ULK1: variants seen among roughly 807,000 people sequenced by gnomAD.
ULK1 encodes the protein serine/threonine-protein kinase ULK1.
Under a neutral mutation model 117.5 loss-of-function variants are expected in ULK1, and 48 were observed. That is an observed-to-expected ratio of 0.41 (90% CI 0.32 to 0.52). ULK1 has a LOEUF of 0.52. Ranked by LOEUF, ULK1 falls within the 20% of genes least tolerant of loss-of-function variation. ULK1 has a pLI of 0.29. For synonymous variants in ULK1, 790 were observed against 637.8 expected, an observed-to-expected ratio of 1.24 and a Z score of -3.60; for missense variants, 1,387 against 1,473.4, an observed-to-expected ratio of 0.94 and a Z score of 0.96.
At position 131,902,134 on chromosome 12, in the gene ULK1, G is replaced by A. The variant is rs1159856481; in HGVS notation, c.247-4758G>A. ...CTGCAGGTGGTTCCCCAGGGCCAGA[G>A]GGTGGCCCTTCCTTCTTAGGGTGGA... is the stretch of plus-strand genomic sequence containing the variant. On this transcript the variant is annotated intron_variant, in intron 3 of 27. Coordinates refer to ENST00000321867, the MANE Select transcript of ULK1 (RefSeq NM_003565.4). The surrounding 1 kb of genome is among the most constrained non-coding windows in gnomAD (Gnocchi z 6.3). 6.6e-6 allele frequency among the ~76,000 whole-genome samples: 1 copy of A among 152,192 alleles called. No homozygotes were observed. Among genetic ancestry groups the A allele is most frequent in the East Asian group, 1.9e-4 (1 of 5,182 alleles).
rs374041651 is a variant in ULK1 at position 131,911,995 on chromosome 12, C to T, written c.1002C>T (p.Thr334=). Reference sequence around the variant, plus strand: ...AGACCCTGGCCTCCCCGGCTGACACCGCTGGCTTCCTGCACAGCTCCCGGG... The same window carrying T: ...AGACCCTGGCCTCCCCGGCTGACACTGCTGGCTTCCTGCACAGCTCCCGGG... ...LQKTLASPAD[T]AGFLHSSRDS... is the part of the protein sequence containing the mutation. The change falls in exon 13 of 28, where the codon ACC becomes ACT. Residue 334 remains threonine, a synonymous_variant. Coordinates refer to ENST00000321867, the MANE Select transcript of ULK1 (RefSeq NM_003565.4). 13 of 1,612,774 alleles carry T rather than the reference C, an allele frequency of 8.1e-6. No individual in the cohort carries two copies. Among genetic ancestry groups the T allele is most frequent in the African/African-American group, 6.7e-5 (5 of 74,938 alleles).
chr12:131,918,969 A>AGGGTGTGGG (rs1890018998), intron 23 of ULK1, among the ~76,000 whole-genome samples: 2 of 11,994 alleles, frequency 1.7e-4, no homozygotes, highest in Non-Finnish European at 3.5e-4. Context: ...TGTGGGGTGC[A>AGGGTGTGGG]GGGTGTGTGG....
intron 1 of ULK1, 81 bp downstream of exon 1, chr12:131,895,193 C>T (rs1222274155): frequency 2.7e-6 from 3 of 1,092,734 alleles, no homozygotes; most frequent in Non-Finnish European, 3.7e-6. Context: ...CCCGCCTGTC[C>T]CGGGACCCCC....
rs768862749 is a variant in ULK1 at position 131,914,492 on chromosome 12, C to T, written c.1373+15C>T. The T allele has an allele frequency of 3.1e-6, 5 of 1,607,750 alleles. No homozygotes were observed. The highest frequency in any genetic ancestry group is 4.3e-6 in the Non-Finnish European group (5 of 1,176,440). The stretch of plus-strand genomic sequence containing the variant: ...CAAACACCTCGGTGAGTGTGGAGCC[C>T]CCAGGTAGCCAGGCGTGGCTGGGGC... On this transcript the variant is annotated intron_variant, in intron 16 of 27. Coordinates refer to ENST00000321867, the MANE Select transcript of ULK1 (RefSeq NM_003565.4).
At chr12:131,910,684 C>T (rs1889491683) in intron 11 of ULK1, 28 bp from the exon 12 acceptor site, 1 of 1,612,866 alleles carries the variant, frequency 6.2e-7, no homozygotes, top group Non-Finnish European at 8.5e-7. Flanking sequence ...GAGGATGGCC[C>T]AGACTGACCT....
intron 13 of ULK1, 49 bp downstream of exon 13, chr12:131,912,138 A>G (rs918906516): frequency 6.4e-7 from 1 of 1,572,316 alleles, no homozygotes; most frequent in Non-Finnish European, 8.6e-7. Context: ...TGCGGCGGGG[A>G]CAGTGCATTG....
Position 131,916,568 on chromosome 12 carries a change from G to A in ULK1, c.2049G>A (p.Glu683=), listed in dbSNP as rs1302421445. The A allele has an allele frequency of 1.9e-6, 3 of 1,589,048 alleles. No homozygotes were observed. Among genetic ancestry groups the A allele is most frequent in the Non-Finnish European group, 2.6e-6 (3 of 1,172,908 alleles). Residue 683 remains glutamate, a synonymous_variant, in exon 20 of 28, where the codon GAG becomes GAA. Transcript: ENST00000321867. ...TGGGCCCTGGCCTGCGGCCAGGCGA[G>A]GACCCCAAGGGCCCCTTTGGCCGGT... ...QPLGPGLRPG[E]DPKGPFGRSF...
At position 131,913,791 on chromosome 12, in the gene ULK1, C is replaced by T. The variant is rs759955611; in HGVS notation, c.1202C>T (p.Thr401Ile). ...ASAGLESHGRTPSPSPPCSSS... is the reference protein window; with the variant it reads ...ASAGLESHGRIPSPSPPCSSS... The stretch of plus-strand genomic sequence containing the variant: ...GCGGGCTTGGAGAGCCACGGCCGGA[C>T]CCCATCTCCATCCCCACCCTGCAGC... The change falls in exon 15 of 28, where the codon ACC becomes ATC. Residue 401 changes from threonine (T) to isoleucine (I), a missense_variant. Around this residue, in one of 4 missense-constraint regions of ULK1, gnomAD observed 260 missense variants for 271.6 expected, o/e 0.96. Coordinates refer to ENST00000321867, the MANE Select transcript of ULK1 (RefSeq NM_003565.4). The T allele has an allele frequency of 3.6e-5, 57 of 1,579,320 alleles. No homozygotes were observed. The highest frequency in any genetic ancestry group is 4.6e-5 in the Non-Finnish European group (54 of 1,162,682).
At chr12:131,899,103 G>T (rs975354808) in intron 3 of ULK1, among the ~76,000 whole-genome samples, 2 of 151,546 alleles carry the variant, frequency 1.3e-5, no homozygotes, top group Admixed American at 1.3e-4. Flanking sequence ...GATCTTGAAC[G>T]CCGGACCTCA....
At chr12:131,909,742 G>T in intron 8 of ULK1, 33 bp from the exon 9 acceptor site, 1 of 1,570,914 alleles carries the variant, frequency 6.4e-7, no homozygotes. Context: ...CTCGGCCGCA[G>T]CCCTGGCAGT....
intron 3 of ULK1, among the ~76,000 whole-genome samples, chr12:131,900,378 A>C (rs1279209026): frequency 6.6e-6 from 1 of 152,182 alleles, no homozygotes; most frequent in Non-Finnish European, 1.5e-5. Flanking sequence ...GCCATACAAA[A>C]TTGTGAAAAT....
At chr12:131,901,401 G>A (rs935998922) in intron 3 of ULK1, among the ~76,000 whole-genome samples, 9 of 151,876 alleles carry the variant, frequency 5.9e-5, no homozygotes, top group Non-Finnish European at 5.9e-5. Flanking sequence ...ATACTGGAAA[G>A]TGCAAAACAG....
chr12:131,895,885 T>TG, intron 3 of ULK1, 61 bp downstream of exon 3: 3 of 1,602,220 alleles, frequency 1.9e-6, no homozygotes, highest in Non-Finnish European at 2.6e-6. Flanking sequence ...CCCCAGGTGC[T>TG]GGATCCCCTG....
Position 131,918,488 on chromosome 12 carries a change from T to C in ULK1, c.2327-9T>C. On this transcript the variant is annotated splice_polypyrimidine_tract_variant and intron_variant, in intron 22 of 27. Coordinates refer to ENST00000321867, the MANE Select transcript of ULK1 (RefSeq NM_003565.4). Reference sequence around the variant, plus strand: ...TCCTGGTGTGCCCCTCATCGCCCTCTCCCTGCAGCGGGCCCCACTGGCTCT... The same window carrying C: ...TCCTGGTGTGCCCCTCATCGCCCTCCCCCTGCAGCGGGCCCCACTGGCTCT... 1.2e-6 allele frequency: 2 copies of C among 1,607,748 alleles called. No homozygotes were observed. The highest frequency in any genetic ancestry group is 2.2e-5 in the South Asian group (2 of 90,158).
chr12:131,915,060 C>G (rs1013825189), intron 16 of ULK1, 23 bp from the exon 17 acceptor site: 1 of 1,524,474 alleles, frequency 6.6e-7, no homozygotes, highest in Non-Finnish European at 8.8e-7. Flanking sequence ...GGCCTCCCCT[C>G]CTAATATCTG....
Position 131,908,800 on chromosome 12 carries a change from G to A in ULK1, c.473G>A (p.Ser158Asn). 1.2e-6 allele frequency: 2 copies of A among 1,606,986 alleles called. No homozygotes were observed. Among genetic ancestry groups the A allele is most frequent in the South Asian group, 1.1e-5 (1 of 90,728 alleles). The change falls in exon 6 of 28, where the codon AGC becomes AAC. Residue 158 changes from serine (S) to asparagine (N), a missense_variant. Physicochemically the swap from Ser to Asn is conservative, Grantham distance 46. Around this residue, in one of 4 missense-constraint regions of ULK1, gnomAD observed 224 missense variants for 325.2 expected, o/e 0.69. Transcript: ENST00000321867. The part of the protein sequence containing the change: ...NPAGRRANPN[S>N]IRVKIADFGF... ...GCCGGCCGCCGCGCCAACCCCAACA[G>A]CATCCGCGTCAAGATCGGTCAGCCC... is the stretch of plus-strand genomic sequence containing the variant.
rs1438858131 is a variant in ULK1, at chr12:131,903,256, C to G, written c.247-3636C>G. On this transcript the variant is annotated intron_variant, in intron 3 of 27. Coordinates refer to ENST00000321867, the MANE Select transcript of ULK1 (RefSeq NM_003565.4). The surrounding 1 kb of genome is among the most constrained non-coding windows in gnomAD (Gnocchi z 6.0). The stretch of plus-strand genomic sequence containing the variant: ...GCTTGTTTGTCCTCACTTCTCATCC[C>G]TGACTCTGCCAGGGTTGGAGACAGC... 1.3e-5 allele frequency among the ~76,000 whole-genome samples: 2 copies of G among 152,188 alleles called. No individual in the cohort carries two copies. The highest frequency in any genetic ancestry group is 2.9e-5 in the Non-Finnish European group (2 of 68,028).
At chr12:131,908,248 G>A (rs1212212626) in intron 5 of ULK1, among the ~76,000 whole-genome samples, 1 of 152,122 alleles carries the variant, frequency 6.6e-6, no homozygotes, top group Non-Finnish European at 1.5e-5. Context: ...GGAGACAGAC[G>A]CTGAGGCCGC....
chr12:131,899,607 C>T lies in ULK1; in HGVS notation c.246+3783C>T, dbSNP rs556760824. On this transcript the variant is annotated intron_variant, in intron 3 of 27. Coordinates refer to ENST00000321867, the MANE Select transcript of ULK1 (RefSeq NM_003565.4). ...CTGAGCTCAAGAGATCCTCCCACTT[C>T]AGCCTCCTGAGTAGCTGGGACTACA... Among the ~76,000 whole-genome samples the T allele has an allele frequency of 2.6e-5, 4 of 152,328 alleles. No homozygotes were observed. In the East Asian group the frequency reaches 7.7e-4, roughly 29 times the overall value.
Sources: allele counts gnomAD v4.1 joint callset (sites outside exome capture counted in the v4.1 genomes callset), GRCh38; gene constraint gnomAD v4.1.1; regional missense constraint gnomAD v4.1.1; non-coding constraint Gnocchi (gnomAD v3.1); transcripts MANE v1.5; gene names NCBI Gene and HGNC (gene_info 2026-07-23, HGNC 2026-07-21).